Variants in TGFA observed in about 807,000 individuals in gnomAD.
The protein encoded by TGFA is transforming growth factor alpha.
A neutral mutation model predicts 21.7 loss-of-function variants in TGFA; 12 were observed. The ratio of observed to expected loss-of-function variants is 0.55; its 90% CI spans 0.35 to 0.90. The LOEUF (loss-of-function observed/expected upper bound fraction) is 0.90. Among genes scored for constraint, TGFA ranks in the 40% least tolerant of loss-of-function variants. The probability of loss-of-function intolerance (pLI) is 0.01; values close to 1 mark genes in which losing one functional copy is unlikely to be tolerated. For missense variants in TGFA, 178 were observed against 210.8 expected (o/e 0.84, Z 0.96); for synonymous variants, 79 against 88.1 (o/e 0.90, Z 0.58).
At chr2:70,548,255 C>T (rs1037665423) in intron 1 of TGFA, among the ~76,000 whole-genome samples, 1 of 152,132 alleles carries the variant, frequency 6.6e-6, no homozygotes, top group Admixed American at 6.5e-5. Flanking sequence ...ACTTATTGGT[C>T]CCTGCTGAGG....
intron 1 of TGFA, among the ~76,000 whole-genome samples, chr2:70,537,600 A>G (rs559570657): frequency 6.6e-6 from 1 of 152,348 alleles, no homozygotes; most frequent in East Asian, 1.9e-4. Context: ...GTGGTCTGGA[A>G]AGAAGATCAA....
At chr2:70,493,469 G>C (rs78501995) in intron 2 of TGFA, among the ~76,000 whole-genome samples, 9,115 of 152,196 alleles carry the variant, frequency 0.06, 336 homozygotes, top group Middle Eastern at 0.13. Context: ...CACCATGGGA[G>C]ACTCTGTGAG....
chr2:70,449,604 G>C lies in TGFA; in HGVS notation c.*1255C>G, dbSNP rs561471681. The C allele has an allele frequency of 1.4e-4, 41 of 289,186 alleles. No individual in the cohort carries two copies. The highest frequency in any genetic ancestry group is 8.3e-4 in the African/African-American group (37 of 44,786). 17.9% of individuals were successfully genotyped at this position (289,186 alleles called of 1,614,324 possible). ...GTGGAGGTGACTTGTTAGAGTTTTT[G>C]TTAATAAAGCCGGCATCCTGAATGG... On this transcript the variant is annotated 3_prime_UTR_variant, in exon 6 of 6. Transcript: ENST00000295400.
intron 1 of TGFA, among the ~76,000 whole-genome samples, chr2:70,536,169 C>T (rs11466200): frequency 1.3e-3 from 201 of 152,312 alleles, no homozygotes; most frequent in African/African-American, 4.7e-3. Context: ...GCAGAAATAG[C>T]TTCTGAATCA....
rs560751329 is a variant in TGFA at position 70,531,202 on chromosome 2, C to T, written c.41-16290G>A. On this transcript the variant is annotated intron_variant, in intron 1 of 5. Transcript: ENST00000295400. The stretch of plus-strand genomic sequence containing the variant: ...AGGGCCCAAAGTTGACAGACCTGAA[C>T]GTCCACACAGAGTATGGTCAGTCCC... 7.9e-5 allele frequency among the ~76,000 whole-genome samples: 12 copies of T among 152,332 alleles called. No homozygotes were observed. The East Asian group carries it at 2.1e-3, about 27-fold the overall frequency.
chr2:70,548,401 G>T (rs1371632863), intron 1 of TGFA, among the ~76,000 whole-genome samples: 1 of 152,182 alleles, frequency 6.6e-6, no homozygotes, highest in African/African-American at 2.4e-5. Flanking sequence ...TGCTACCGGG[G>T]TTCCCAGCTG....
rs572052950 is a variant in TGFA at position 70,477,471 on chromosome 2, G to A, written c.95-11735C>T. Reference sequence around the variant, plus strand: ...GAAACTGCTCTCTGAAGGAGGCAGGGAATATGCAAAAGATAAAGTGTGGGC... The same window carrying A: ...GAAACTGCTCTCTGAAGGAGGCAGGAAATATGCAAAAGATAAAGTGTGGGC... On this transcript the variant is annotated intron_variant, in intron 2 of 5. Transcript: ENST00000295400. 4.6e-5 allele frequency among the ~76,000 whole-genome samples: 7 copies of A among 152,266 alleles called. No individual in the cohort carries two copies. In the East Asian group the frequency reaches 1.3e-3, roughly 29 times the overall value.
chr2:70,448,372 G>A lies in TGFA; in HGVS notation c.*2487C>T, dbSNP rs1574059440. 6.6e-6 allele frequency: 1 copy of A among 152,258 alleles called. No individual in the cohort carries two copies. The highest frequency in any genetic ancestry group is 1.9e-4 in the East Asian group (1 of 5,184). The allele number at this position is 152,258 out of a possible 1,614,324, so 9.4% of individuals were successfully genotyped here. On this transcript the variant is annotated 3_prime_UTR_variant, in exon 6 of 6. Transcript: ENST00000295400. ...TGTCTCCTGAGCCATTGGAAACAGCGATGCTCCCCACTGCCAGGTGTGTGG... is the reference window on the plus strand; with the variant it reads ...TGTCTCCTGAGCCATTGGAAACAGCAATGCTCCCCACTGCCAGGTGTGTGG...
intron 3 of TGFA, among the ~76,000 whole-genome samples, chr2:70,457,667 G>C (rs1257749738): frequency 5.3e-5 from 8 of 151,362 alleles, no homozygotes; most frequent in African/African-American, 1.9e-4. Flanking sequence ...TCAGCCTCCC[G>C]AGTAGCTGGG....
rs782394183 is a variant in TGFA, at chr2:70,453,256, AG to A, written c.436del (p.Leu146SerfsTer2). The A allele has an allele frequency of 6.2e-7, 1 of 1,613,856 alleles. No individual in the cohort carries two copies. The highest frequency in any genetic ancestry group is 8.5e-7 in the Non-Finnish European group (1 of 1,179,866). Reference sequence around the variant, plus strand: ...GCAGCAAGCGGTTCTTCCCTTCAGGAGGGCGCTGGGCTTCTCGTGCCGGCAG... The same window carrying A: ...GCAGCAAGCGGTTCTTCCCTTCAGGAGGCGCTGGGCTTCTCGTGCCGGCAG... ...LICRHEKPSA[L>X]LKGRTACCHS... is the part of the protein sequence containing the mutation. On this transcript the variant is annotated frameshift_variant, in exon 5 of 6. Transcript: ENST00000295400. LOFTEE classifies it high-confidence loss of function.
intron 4 of TGFA, 33 bp from the exon 5 acceptor site, chr2:70,453,360 G>C (rs1228725298): frequency 1.3e-6 from 2 of 1,598,170 alleles, no homozygotes; most frequent in African/African-American, 2.7e-5. Flanking sequence ...GTCTGGGCAG[G>C]AGCCTGGTAG....
chr2:70,455,249 C>T (rs1470426989), intron 4 of TGFA, among the ~76,000 whole-genome samples: 1 of 152,230 alleles, frequency 6.6e-6, no homozygotes, highest in Non-Finnish European at 1.5e-5. Flanking sequence ...GTTGTGGCTA[C>T]TGTCAACAAG....
intron 2 of TGFA, among the ~76,000 whole-genome samples, chr2:70,511,929 A>T (rs1672113919): frequency 6.8e-6 from 1 of 147,156 alleles, no homozygotes; most frequent in African/African-American, 2.5e-5. Flanking sequence ...ACACACACAC[A>T]CTTGCTACAA....
At chr2:70,532,278 T>A (rs1672834339) in intron 1 of TGFA, among the ~76,000 whole-genome samples, 1 of 152,142 alleles carries the variant, frequency 6.6e-6, no homozygotes, top group Admixed American at 6.5e-5. Flanking sequence ...TTTAGAACAA[T>A]CCAGATTTTG....
chr2:70,522,577 G>A (rs1296877239), intron 1 of TGFA, among the ~76,000 whole-genome samples: 1 of 152,096 alleles, frequency 6.6e-6, no homozygotes, highest in African/African-American at 2.4e-5. Flanking sequence ...TGGGATACAG[G>A]TGTGTGTCAT....
At chr2:70,504,479 T>TATAC (rs1553499809) in intron 2 of TGFA, among the ~76,000 whole-genome samples, 39 of 87,230 alleles carry the variant, frequency 4.5e-4, no homozygotes, top group African/African-American at 2.0e-3. Flanking sequence ...CATACATACA[T>TATAC]ACATACACAC....
intron 3 of TGFA, among the ~76,000 whole-genome samples, chr2:70,461,917 C>CT (rs1321203890): frequency 2.0e-5 from 3 of 152,082 alleles, no homozygotes; most frequent in Non-Finnish European, 4.4e-5. Flanking sequence ...TTTGTTTAAA[C>CT]TTTTTTTTCT....
At chr2:70,485,100 C>T (rs1671230131) in intron 2 of TGFA, among the ~76,000 whole-genome samples, 1 of 152,204 alleles carries the variant, frequency 6.6e-6, no homozygotes, top group African/African-American at 2.4e-5. Flanking sequence ...ATTCACTGCC[C>T]CCAAAGTGAG....
chr2:70,541,256 T>C (rs879949226), intron 1 of TGFA, among the ~76,000 whole-genome samples: 4 of 152,256 alleles, frequency 2.6e-5, no homozygotes, highest in Non-Finnish European at 5.9e-5. Flanking sequence ...TATAACAGAA[T>C]ATATCCTAGC....
Sources: gnomAD v4.1 joint callset for allele counts (sites outside exome capture counted in the v4.1 genomes callset) on GRCh38, gnomAD v4.1.1 for gene constraint, MANE v1.5 for transcripts, NCBI Gene and HGNC (gene_info 2026-07-23, HGNC 2026-07-21) for gene names.